Variants in KLHL20 observed in about 807,000 individuals in gnomAD.
KLHL20 encodes the protein kelch like family member 20.
In KLHL20, 29 loss-of-function variants were observed where a neutral mutation model predicts 69.5. The ratio of observed to expected loss-of-function variants is 0.42; its 90% CI spans 0.31 to 0.57. The LOEUF is 0.57. KLHL20 is among the 20% of genes least tolerant of loss of function. The pLI, the probability that KLHL20 is intolerant of heterozygous loss-of-function variation, is 0.18. For missense variants in KLHL20, 419 were observed against 776.0 expected (o/e 0.54, Z 5.47); for synonymous variants, 253 against 265.2 (o/e 0.95, Z 0.45).
intron 8 of KLHL20, among the ~76,000 whole-genome samples, chr1:173,769,510 T>C (rs1046076442): frequency 2.0e-5 from 3 of 152,122 alleles, no homozygotes; most frequent in Admixed American, 1.3e-4. Context: ...ATCTCTGGAC[T>C]AGGCGCTGTG....
intron 11 of KLHL20, 117 bp downstream of exon 11, chr1:173,782,347 G>T: frequency 1.6e-6 from 1 of 640,206 alleles, no homozygotes; most frequent in Non-Finnish European, 2.7e-6. Flanking sequence ...TTTGAAGAGG[G>T]CTGAAGTTAC....
chr1:173,725,292 A>G (rs1255498683), intron 2 of KLHL20, among the ~76,000 whole-genome samples: 1 of 152,238 alleles, frequency 6.6e-6, no homozygotes, highest in African/African-American at 2.4e-5. Context: ...GGTTTACCCT[A>G]AAGCATCCAG....
chr1:173,717,195 A>G (rs1185865493), intron 2 of KLHL20, among the ~76,000 whole-genome samples: 1 of 152,262 alleles, frequency 6.6e-6, no homozygotes, highest in African/African-American at 2.4e-5. Flanking sequence ...TCCAGCTACC[A>G]TAAAATGTCA....
At chr1:173,721,461 A>C (rs1671710056) in intron 2 of KLHL20, among the ~76,000 whole-genome samples, 1 of 152,210 alleles carries the variant, frequency 6.6e-6, no homozygotes, top group Non-Finnish European at 1.5e-5. Flanking sequence ...TTGTCTCTGC[A>C]TATGGGAAGG....
At chr1:173,779,350 CT>C (rs375083476) in intron 10 of KLHL20, among the ~76,000 whole-genome samples, 3,309 of 131,374 alleles carry the variant, frequency 0.025, 80 homozygotes, top group African/African-American at 0.083. Context: ...AGGATTTCTC[CT>C]TTTTTTTTTT....
intron 3 of KLHL20, among the ~76,000 whole-genome samples, chr1:173,749,058 C>T (rs1280775593): frequency 1.3e-5 from 2 of 152,080 alleles, no homozygotes; most frequent in Non-Finnish European, 2.9e-5. Flanking sequence ...GGAAATCTTA[C>T]CCTTGTTTAT....
intron 1 of KLHL20, 49 bp from the exon 2 acceptor site, chr1:173,715,954 A>G (rs780608682): frequency 4.8e-5 from 63 of 1,305,346 alleles, no homozygotes; most frequent in Non-Finnish European, 6.2e-5. Context: ...TTGTTACTGT[A>G]AAGATCAGAA....
intron 3 of KLHL20, among the ~76,000 whole-genome samples, chr1:173,746,455 T>C (rs534600077): frequency 4.6e-5 from 7 of 152,254 alleles, no homozygotes; most frequent in Admixed American, 4.6e-4. Context: ...TCTATGAAAT[T>C]TTCTTTCTTT....
At chr1:173,743,276 T>G (rs1477362682) in intron 3 of KLHL20, among the ~76,000 whole-genome samples, 1 of 152,052 alleles carries the variant, frequency 6.6e-6, no homozygotes, top group Non-Finnish European at 1.5e-5. Flanking sequence ...TATTCAAATT[T>G]ATAGGAAATC....
At chr1:173,732,203 AAAAAAAACC>A (rs1672316391) in intron 2 of KLHL20, among the ~76,000 whole-genome samples, 1 of 152,098 alleles carries the variant, frequency 6.6e-6, no homozygotes, top group East Asian at 1.9e-4. Context: ...TCTCAAAAAA[AAAAAAAACC>A]AGTGTGATGG....
At chr1:173,719,115 A>AAAAAAAAAAAAAG (rs1671603454) in intron 2 of KLHL20, among the ~76,000 whole-genome samples, 1 of 151,718 alleles carries the variant, frequency 6.6e-6, no homozygotes, top group Non-Finnish European at 1.5e-5. Flanking sequence ...AAAAAAAAAA[A>AAAAAAAAAAAAAG]GAAAAATTAT....
intron 10 of KLHL20, among the ~76,000 whole-genome samples, chr1:173,778,233 C>T (rs1392481649): frequency 6.6e-6 from 1 of 151,990 alleles, no homozygotes; most frequent in Non-Finnish European, 1.5e-5. Flanking sequence ...CCCCCCACCC[C>T]CCGACAGGCC....
chr1:173,752,420 G>A (rs10082342), intron 4 of KLHL20, among the ~76,000 whole-genome samples: 19 of 152,086 alleles, frequency 1.2e-4, no homozygotes, highest in African/African-American at 3.6e-4. Flanking sequence ...TGCTTTCCCC[G>A]TATTTTGGAT....
intron 3 of KLHL20, among the ~76,000 whole-genome samples, chr1:173,735,143 C>G (rs1672466451): frequency 6.6e-6 from 1 of 152,126 alleles, no homozygotes; most frequent in East Asian, 1.9e-4. Flanking sequence ...GGTTGATAGA[C>G]TATGTTAAGA....
intron 3 of KLHL20, among the ~76,000 whole-genome samples, chr1:173,744,278 A>G (rs1300517883): frequency 3.3e-5 from 5 of 152,114 alleles, no homozygotes. Flanking sequence ...TTTAAGGGCC[A>G]TATGTATAAT....
At chr1:173,749,398 G>A (rs2102495170) in intron 3 of KLHL20, among the ~76,000 whole-genome samples, 1 of 152,296 alleles carries the variant, frequency 6.6e-6, no homozygotes, top group South Asian at 2.1e-4. Flanking sequence ...CCATAATCGT[G>A]TGGGGCTTAG....
In KLHL20 at chr1:173,765,564, CAA is replaced by C. The variant is rs1475655615; in HGVS notation, c.1152-580_1152-579del. Among the ~76,000 whole-genome samples, 4 of 151,302 alleles carry C rather than the reference CAA, an allele frequency of 2.6e-5. 1 individual carries two copies. The highest frequency in any genetic ancestry group is 9.7e-5 in the African/African-American group (4 of 41,230). Reference sequence around the variant, plus strand: ...TAATTCTACCTATCACCCATTTGCACAAAGAGAAATATATAAGGATGAACATT... The same window carrying C: ...TAATTCTACCTATCACCCATTTGCACAGAGAAATATATAAGGATGAACATT... On this transcript the variant is annotated intron_variant, in intron 7 of 11. Coordinates refer to ENST00000209884, the MANE Select transcript of KLHL20 (RefSeq NM_014458.4).
chr1:173,773,464 T>C (rs1261351179), intron 8 of KLHL20, among the ~76,000 whole-genome samples: 1 of 150,690 alleles, frequency 6.6e-6, no homozygotes, highest in East Asian at 1.9e-4. Context: ...TTAAAATTTT[T>C]TTAAATGTAA....
At chr1:173,778,088 T>G (rs1389017767) in intron 10 of KLHL20, among the ~76,000 whole-genome samples, 3 of 152,164 alleles carry the variant, frequency 2.0e-5, no homozygotes, top group African/African-American at 7.2e-5. Context: ...TATTATACTT[T>G]AAGTTCTAGG....
Sources: allele counts gnomAD v4.1 joint callset (sites outside exome capture counted in the v4.1 genomes callset), GRCh38; gene constraint gnomAD v4.1.1; transcripts MANE v1.5; gene names NCBI Gene and HGNC (gene_info 2026-07-23, HGNC 2026-07-21).